The following SSUH2 variants were observed in gnomAD, a reference collection of about 807,000 sequenced individuals.
The protein encoded by SSUH2 is protein SSUH2 homolog.
A neutral mutation model predicts 55.3 loss-of-function variants in SSUH2; 47 were observed. The observed-to-expected ratio is 0.85, with a 90% CI of 0.67 to 1.08. The LOEUF is 1.08. Among genes scored for constraint, SSUH2 ranks in the 50% least tolerant of loss-of-function variants. SSUH2 has a pLI of 0.00. For synonymous variants in SSUH2, 212 were observed against 191.5 expected, an observed-to-expected ratio of 1.11 and a Z score of -0.89; for missense variants, 535 against 490.7, an observed-to-expected ratio of 1.09 and a Z score of -0.85.
At chr3:8,646,248 A>C (rs967973084), upstream of SSUH2, among the ~76,000 whole-genome samples, 7 of 152,218 alleles carry the variant, frequency 4.6e-5, no homozygotes, top group Non-Finnish European at 5.9e-5. Flanking sequence ...ATTTGAGCCA[A>C]AACATGATAA....
intron 4 of SSUH2, among the ~76,000 whole-genome samples, chr3:8,671,680 T>G (rs1206000613): frequency 6.6e-6 from 1 of 152,032 alleles, no homozygotes; most frequent in Non-Finnish European, 1.5e-5. Context: ...TATCGCAGGG[T>G]GTATACCCCG....
intron 11 of SSUH2, among the ~76,000 whole-genome samples, chr3:8,621,573 C>T (rs1575021636): frequency 1.3e-5 from 2 of 152,156 alleles, no homozygotes; most frequent in East Asian, 1.9e-4. Context: ...AAAATTTCCA[C>T]ACAGCTTTCC....
chr3:8,654,746 C>G (rs894454988), intron 7 of SSUH2, among the ~76,000 whole-genome samples: 22 of 152,046 alleles, frequency 1.4e-4, no homozygotes, highest in African/African-American at 5.1e-4. Context: ...CAGTGTGTGG[C>G]CTACCCAAAA....
intron 3 of SSUH2, among the ~76,000 whole-genome samples, chr3:8,675,669 G>A (rs1705165010): frequency 6.6e-6 from 1 of 152,220 alleles, no homozygotes; most frequent in African/African-American, 2.4e-5. Flanking sequence ...CTTAGGAGCT[G>A]TGGGGTTTTG....
At chr3:8,627,105 T>C (rs139212837) in intron 8 of SSUH2, 1 of 152,360 alleles carries the variant, frequency 6.6e-6, no homozygotes, top group Non-Finnish European at 1.5e-5. Flanking sequence ...GGCAAAAGTA[T>C]CATTAACCAA....
chr3:8,623,118 C>T (rs1351743329), intron 11 of SSUH2, among the ~76,000 whole-genome samples: 1 of 152,166 alleles, frequency 6.6e-6, no homozygotes, highest in Non-Finnish European at 1.5e-5. Context: ...GATACAGCGG[C>T]CAAAACCACA....
At chr3:8,649,498 T>C (rs533155844), upstream of SSUH2, among the ~76,000 whole-genome samples, 1 of 152,168 alleles carries the variant, frequency 6.6e-6, no homozygotes, top group Non-Finnish European at 1.5e-5. Flanking sequence ...TGCTTTGACC[T>C]CTCCTCTGAA....
chr3:8,676,942 A>AG (rs1480849881), intron 3 of SSUH2, among the ~76,000 whole-genome samples: 30 of 127,746 alleles, frequency 2.3e-4, no homozygotes, highest in African/African-American at 5.0e-4. Context: ...CCCCCATAGT[A>AG]CGGGGGGAAG....
Position 8,619,734 on chromosome 3 carries a change from C to T in SSUH2, c.*134G>A. Reference sequence around the variant, plus strand: ...GGGTTGGAGCTTGATAGATGATAAGCTGGTTTTTCTGGAAGGACATGCCAG... The same window carrying T: ...GGGTTGGAGCTTGATAGATGATAAGTTGGTTTTTCTGGAAGGACATGCCAG... On this transcript the variant is annotated 3_prime_UTR_variant, in exon 12 of 12. Transcript: ENST00000544814. The T allele has an allele frequency of 9.7e-7, 1 of 1,028,238 alleles. No homozygotes were observed. Among genetic ancestry groups the T allele is most frequent in the East Asian group, 2.5e-5 (1 of 39,836 alleles). 63.7% of individuals were successfully genotyped at this position (1,028,238 alleles called of 1,614,324 possible). A position where few individuals can be genotyped will look rare whatever the true frequency, so the allele number is the denominator to read the frequency against.
intron 2 of SSUH2, among the ~76,000 whole-genome samples, chr3:8,677,632 C>T (rs1471752708): frequency 1.3e-5 from 2 of 150,878 alleles, no homozygotes; most frequent in Non-Finnish European, 1.5e-5. Context: ...TTAACCCAAA[C>T]TGTGGGGCCC....
chr3:8,677,911 G>A (rs1260864354), intron 2 of SSUH2, among the ~76,000 whole-genome samples: 1 of 150,900 alleles, frequency 6.6e-6, no homozygotes, highest in Non-Finnish European at 1.5e-5. Context: ...CCCCTCTGGA[G>A]ATTATGAACT....
intron 8 of SSUH2, chr3:8,627,493 C>T (rs770530721): frequency 7.2e-6 from 3 of 414,262 alleles, no homozygotes; most frequent in South Asian, 2.4e-4. Context: ...TATTGCATGA[C>T]GAGTTCCAGC....
rs567493024 is a variant in SSUH2 at position 8,633,786 on chromosome 3, C to T, written c.219G>A (p.Ala73=). 1.1e-5 allele frequency: 18 copies of T among 1,613,260 alleles called. No homozygotes were observed. The highest frequency in any genetic ancestry group is 6.7e-5 in the Admixed American group (4 of 59,992). Residue 73 remains alanine (A), a synonymous_variant, in exon 4 of 12, where the codon GCG becomes GCA. Transcript: ENST00000544814. ...CTTCCCGGGCCACCTCCTCCGTCAT[C>T]GCAGGGACTCTGCAGGGGACCGAAC... ...WPSFLEHRVP[A]MTEEVAREAL...
At chr3:8,678,949 GCT>G (rs1705695000) in intron 2 of SSUH2, among the ~76,000 whole-genome samples, 1 of 108,784 alleles carries the variant, frequency 9.2e-6, no homozygotes, top group Non-Finnish European at 2.1e-5. Flanking sequence ...TCCCCTCCTG[GCT>G]CTTGGGACGC....
chr3:8,635,616 C>A, intron 2 of SSUH2, 143 bp downstream of exon 2: 1 of 836,840 alleles, frequency 1.2e-6, no homozygotes, highest in Non-Finnish European at 1.8e-6. Flanking sequence ...CTTCCTCTTT[C>A]CACCTGCCCA....
At chr3:8,671,835 T>C (rs1704608665) in intron 4 of SSUH2, 1 of 141,520 alleles carries the variant, frequency 7.1e-6, no homozygotes, top group Non-Finnish European at 1.5e-5. Flanking sequence ...ACGATCCACA[T>C]CGCAGGGGGG....
intron 7 of SSUH2, among the ~76,000 whole-genome samples, chr3:8,651,032 A>C (rs1702338797): frequency 6.6e-6 from 1 of 152,232 alleles, no homozygotes; most frequent in South Asian, 2.1e-4. Flanking sequence ...CCTGCCAGCA[A>C]TTGCACGCAT....
intron 1 of SSUH2, among the ~76,000 whole-genome samples, chr3:8,680,752 T>A (rs186468979): frequency 2.7e-4 from 41 of 152,152 alleles, no homozygotes; most frequent in Admixed American, 2.6e-3. Context: ...CAGGGGTGTA[T>A]ACTTACTGCG....
rs373262427 is a variant in SSUH2 at position 8,670,462 on chromosome 3, C to T, written c.-455+536G>A. Among the ~76,000 whole-genome samples, 7 of 152,068 alleles carry T rather than the reference C, an allele frequency of 4.6e-5. No individual in the cohort carries two copies. In the East Asian group the frequency reaches 7.7e-4, roughly 17 times the overall value. ...CCAATAATATCACAGCAGGTGTCCA[C>T]ACATGGTGTACACCCCATGTGACAT... On this transcript the variant is annotated intron_variant, in intron 5 of 18. Transcript: ENST00000317371.
Sources: allele counts gnomAD v4.1 joint callset (sites outside exome capture counted in the v4.1 genomes callset), GRCh38; gene constraint gnomAD v4.1.1; transcripts MANE v1.5; gene names NCBI Gene and HGNC (gene_info 2026-07-23, HGNC 2026-07-21).